BIN3: variants seen among roughly 807,000 people sequenced by gnomAD.
BIN3 encodes the protein bridging integrator 3.
BIN3 carries 41 observed loss-of-function variants against 38.2 expected under a neutral mutation model. The observed-to-expected ratio is 1.07, with a 90% CI of 0.84 to 1.39. The LOEUF is 1.39. Ranked by LOEUF, BIN3 falls within the 40% of genes most tolerant of loss-of-function variation. The pLI is 0.00. For synonymous variants in BIN3, 145 were observed against 122.6 expected (o/e 1.18, Z -1.21); for missense variants, 361 against 324.3 (o/e 1.11, Z -0.87).
Position 22,629,985 on chromosome 8 carries a change from G to C in BIN3, c.317C>G (p.Thr106Ser). 2 of 1,609,766 alleles carry C rather than the reference G, an allele frequency of 1.2e-6. No individual in the cohort carries two copies. The highest frequency in any genetic ancestry group is 1.7e-6 in the Non-Finnish European group (2 of 1,177,860). ...TCACTTTTTTAAGGGCTCGATCACA[G>C]TCTTCTGGATCTGGTTCACCTGTCA... Reference protein sequence around the residue: ...NQEKVNQIQKTVIEPLKKFGS... With the variant: ...NQEKVNQIQKSVIEPLKKFGS... Residue 106 changes from threonine (T) to serine (S), a missense_variant, in exon 6 of 9, where the codon ACT (threonine) becomes AGT (serine). By Grantham distance (58) the Thr-to-Ser change is moderately conservative (BLOSUM62 1). Coordinates refer to ENST00000276416, the MANE Select transcript of BIN3 (RefSeq NM_018688.6).
At chr8:22,646,283 C>T (rs572439425) in intron 1 of BIN3, among the ~76,000 whole-genome samples, 1 of 152,290 alleles carries the variant, frequency 6.6e-6, no homozygotes, top group Non-Finnish European at 1.5e-5. Flanking sequence ...CGATCAGCTC[C>T]GGCAGAGGGC....
At chr8:22,668,506 G>C (rs1236896786) in intron 1 of BIN3, among the ~76,000 whole-genome samples, 1 of 152,190 alleles carries the variant, frequency 6.6e-6, no homozygotes. Context: ...ACAGTGGAAG[G>C]GTGTGTGCGG....
At chr8:22,630,309 G>A in intron 5 of BIN3, 133 bp downstream of exon 5, 1 of 1,314,828 alleles carries the variant, frequency 7.6e-7, no homozygotes, top group Non-Finnish European at 1.1e-6. Context: ...GCAGCACCTT[G>A]CAGCACACGA....
Position 22,668,945 on chromosome 8 carries a change from G to A in BIN3, c.8+99C>T, listed in dbSNP as rs1803516910. On this transcript the variant is annotated intron_variant, in intron 1 of 8. Coordinates refer to ENST00000276416, the MANE Select transcript of BIN3 (RefSeq NM_018688.6). Reference sequence around the variant, plus strand: ...GGCCTTGCTCTGGGGCGGAGGGGTCGCGCGGGACCGGAGGGAGCCGGGACG... The same window carrying A: ...GGCCTTGCTCTGGGGCGGAGGGGTCACGCGGGACCGGAGGGAGCCGGGACG... The A allele has an allele frequency of 2.0e-6, 3 of 1,485,562 alleles. No individual in the cohort carries two copies. In the South Asian group the frequency reaches 3.7e-5, roughly 18 times the overall value. 92.0% of individuals were successfully genotyped at this position (1,485,562 alleles called of 1,614,324 possible). A position where few individuals can be genotyped will look rare whatever the true frequency, so the allele number is the denominator to read the frequency against.
intron 5 of BIN3, among the ~76,000 whole-genome samples, chr8:22,630,224 G>A (rs1802147243): frequency 6.6e-6 from 1 of 152,242 alleles, no homozygotes; most frequent in Admixed American, 6.5e-5. Flanking sequence ...CTCACAGTAA[G>A]TAACATGAGC....
chr8:22,656,929 C>G (rs1803074756), intron 1 of BIN3, among the ~76,000 whole-genome samples: 1 of 152,146 alleles, frequency 6.6e-6, no homozygotes, highest in South Asian at 2.1e-4. Context: ...GTGTGAATGT[C>G]CTGCTTTCTG....
chr8:22,628,033 C>A (rs377328266), intron 6 of BIN3, among the ~76,000 whole-genome samples: 1 of 152,236 alleles, frequency 6.6e-6, no homozygotes, highest in Non-Finnish European at 1.5e-5. Flanking sequence ...CAAACTCACT[C>A]CCCTGGGGAT....
chr8:22,625,516 A>T, intron 6 of BIN3: 1 of 666,858 alleles, frequency 1.5e-6, no homozygotes. Flanking sequence ...ATGCTGGCAG[A>T]CTCACTGTCA....
chr8:22,656,348 T>C (rs1361790692), intron 1 of BIN3, among the ~76,000 whole-genome samples: 1 of 152,062 alleles, frequency 6.6e-6, no homozygotes, highest in East Asian at 1.9e-4. Flanking sequence ...AAGTTTTATA[T>C]TTTTGGTTAT....
chr8:22,636,746 G>A lies in BIN3; in HGVS notation c.99-160C>T, dbSNP rs201056819. 82 of 983,418 alleles carry A rather than the reference G, an allele frequency of 8.3e-5. No individual in the cohort carries two copies. In the East Asian group the frequency reaches 1.2e-3, roughly 15 times the overall value. 60.9% of individuals were successfully genotyped at this position (983,418 alleles called of 1,614,324 possible). On this transcript the variant is annotated intron_variant, in intron 3 of 8. Coordinates refer to ENST00000276416, the MANE Select transcript of BIN3 (RefSeq NM_018688.6). ...GTGCCACTACACCCAAAGGCTATGA[G>A]TGAATGACTCTCACATGGCCATTGC...
intron 6 of BIN3, chr8:22,624,617 T>A (rs560945542): frequency 2.1e-6 from 1 of 471,040 alleles, no homozygotes; most frequent in East Asian, 3.8e-5. Context: ...ACGTGGACAA[T>A]GTCATGGGGT....
intron 1 of BIN3, among the ~76,000 whole-genome samples, chr8:22,655,771 T>A (rs572940260): frequency 1.2e-4 from 18 of 152,286 alleles, no homozygotes; most frequent in African/African-American, 3.6e-4. Flanking sequence ...TGAATTTTAG[T>A]GGTTTATTTT....
At chr8:22,660,496 C>T (rs1488904003) in intron 1 of BIN3, among the ~76,000 whole-genome samples, 1 of 152,216 alleles carries the variant, frequency 6.6e-6, no homozygotes, top group Non-Finnish European at 1.5e-5. Flanking sequence ...TCTCACACTA[C>T]CTTTTTCCTC....
At chr8:22,651,604 G>C (rs1802893041) in intron 1 of BIN3, among the ~76,000 whole-genome samples, 1 of 152,304 alleles carries the variant, frequency 6.6e-6, no homozygotes, top group Admixed American at 6.5e-5. Flanking sequence ...CATAATTTCT[G>C]CCAGAATTTC....
At chr8:22,649,832 C>CAT (rs1802828247) in intron 1 of BIN3, among the ~76,000 whole-genome samples, 2 of 120,886 alleles carry the variant, frequency 1.7e-5, no homozygotes, top group South Asian at 6.0e-4. Flanking sequence ...CACACACACA[C>CAT]ACACACACAC....
chr8:22,623,414 T>C (rs989509608), intron 8 of BIN3, among the ~76,000 whole-genome samples: 2 of 152,154 alleles, frequency 1.3e-5, no homozygotes, highest in Admixed American at 1.3e-4. Flanking sequence ...CAGCCCTGAT[T>C]GTGGCTCTCC....
intron 6 of BIN3, chr8:22,629,704 A>G (rs1802120128): frequency 7.1e-6 from 4 of 565,874 alleles, no homozygotes; most frequent in Non-Finnish European, 1.3e-5. Context: ...CCACCAGAAC[A>G]GCGGCGGTTG....
intron 1 of BIN3, among the ~76,000 whole-genome samples, chr8:22,649,857 A>ACC (rs765863433): frequency 3.2e-5 from 4 of 125,088 alleles, no homozygotes; most frequent in Non-Finnish European, 4.8e-5. Flanking sequence ...ACACACACAC[A>ACC]CCCCCAAAGG....
chr8:22,636,724 C>T (rs1802379261), intron 3 of BIN3, 138 bp from the exon 4 acceptor site: 1 of 1,017,510 alleles, frequency 9.8e-7, no homozygotes, highest in Non-Finnish European at 1.5e-6. Context: ...GACTGAAGTG[C>T]CACTACACCC....
Sources: allele counts gnomAD v4.1 joint callset (sites outside exome capture counted in the v4.1 genomes callset), GRCh38; gene constraint gnomAD v4.1.1; transcripts MANE v1.5; gene names NCBI Gene and HGNC (gene_info 2026-07-23, HGNC 2026-07-21).